Variants in BRF1 observed in about 807,000 individuals in gnomAD.
BRF1 encodes the protein transcription factor IIIB 90 kDa subunit.
Under a neutral mutation model 81.7 loss-of-function variants are expected in BRF1, and 59 were observed. That is an observed-to-expected ratio of 0.72 (90% CI 0.59 to 0.90). The LOEUF is 0.90. BRF1 is among the 40% of genes least tolerant of loss of function. The pLI is 0.00. For synonymous variants in BRF1, 491 were observed against 395.6 expected, an observed-to-expected ratio of 1.24 and a Z score of -2.86; for missense variants, 1,050 against 936.3, an observed-to-expected ratio of 1.12 and a Z score of -1.58.
At chr14:105,311,118 A>G (rs2058340837) in intron 1 of BRF1, among the ~76,000 whole-genome samples, 1 of 151,670 alleles carries the variant, frequency 6.6e-6, no homozygotes, top group African/African-American at 2.4e-5. Context: ...ATGCCCCACT[A>G]ATTTTTTGTA....
In BRF1 at chr14:105,221,703, G is replaced by C; in HGVS notation, c.1260C>G (p.Ser420Arg). ...CGCGGATGGAGTCTGAGATGCCCAGGCTGGCTGCAGTGGGGAGGGGGTCCA... is the reference window on the plus strand; with the variant it reads ...CGCGGATGGAGTCTGAGATGCCCAGCCTGGCTGCAGTGGGGAGGGGGTCCA... ...SLLDPLPTAA[S>R]LGISDSIREC... Residue 420 changes from serine to arginine, a missense_variant, in exon 11 of 18, where the codon AGC (serine) becomes AGG (arginine). This residue lies in a region of BRF1 where 1,043 missense variants were observed against 915.4 expected (regional missense o/e 1.14). Coordinates refer to ENST00000547530, the MANE Select transcript of BRF1 (RefSeq NM_001519.4). 6.2e-7 allele frequency: 1 copy of C among 1,611,628 alleles called. No individual in the cohort carries two copies. Among genetic ancestry groups the C allele is most frequent in the Non-Finnish European group, 8.5e-7 (1 of 1,179,862 alleles).
At chr14:105,300,353 T>G (rs2140588608) in intron 1 of BRF1, 93 bp downstream of exon 1, 1 of 1,324,844 alleles carries the variant, frequency 7.5e-7, no homozygotes, top group Admixed American at 3.2e-5. Context: ...GAGCGTGCGG[T>G]ACCGAGGCGC....
chr14:105,211,110 G>A lies in BRF1; in HGVS notation c.1996+12C>T, dbSNP rs778479870. ...TCCCTTGAACCCCTCCCTGTTGTCG[G>A]GCCCCACCCACCGTTGCTGCCCATC... is the stretch of plus-strand genomic sequence containing the variant. On this transcript the variant is annotated intron_variant, in intron 17 of 17. Coordinates refer to ENST00000547530, the MANE Select transcript of BRF1 (RefSeq NM_001519.4). 18 of 1,611,722 alleles carry A rather than the reference G, an allele frequency of 1.1e-5. No individual in the cohort carries two copies. The highest frequency in any genetic ancestry group is 1.5e-5 in the Non-Finnish European group (18 of 1,179,888).
chr14:105,215,396 A>G lies in BRF1; in HGVS notation c.1772+2148T>C, dbSNP rs1454481381. Among the ~76,000 whole-genome samples the G allele has an allele frequency of 4.6e-5, 7 of 151,944 alleles. No homozygotes were observed. In the East Asian group the frequency reaches 7.8e-4, roughly 17 times the overall value. ...GGCGTGCACACCTGCATTTGCACAC[A>G]AAAACTTACACACATGCACACACAC... On this transcript the variant is annotated intron_variant, in intron 15 of 17. Transcript: ENST00000547530.
At chr14:105,252,275 G>A in intron 5 of BRF1, 1 of 714,630 alleles carries the variant, frequency 1.4e-6, no homozygotes. Context: ...AGGAGTTTGA[G>A]GCTGCAGTGA....
In BRF1 at chr14:105,229,011, T is replaced by G. The variant is rs587639472; in HGVS notation, c.695-98A>C. On this transcript the variant is annotated intron_variant, in intron 6 of 17. Transcript: ENST00000547530. ...ACACTGCGGATCCCGGTCACGGAGA[T>G]GATGGCCTGAGAAGACGTGTCTGTG... 3.6e-6 allele frequency: 4 copies of G among 1,108,650 alleles called. No individual in the cohort carries two copies. The African/African-American group carries it at 6.1e-5, about 17-fold the overall frequency. The allele number at this position is 1,108,650 out of a possible 1,614,324, so 68.7% of individuals were successfully genotyped here. A position where few individuals can be genotyped will look rare whatever the true frequency, so the allele number is the denominator to read the frequency against.
intron 2 of BRF1, among the ~76,000 whole-genome samples, chr14:105,279,884 C>T (rs1313355661): frequency 1.3e-5 from 2 of 152,228 alleles, no homozygotes; most frequent in African/African-American, 4.8e-5. Flanking sequence ...GAATAAACTA[C>T]TTACACGCTC....
intron 15 of BRF1, among the ~76,000 whole-genome samples, chr14:105,216,978 C>T (rs914366845): frequency 1.3e-5 from 2 of 152,208 alleles, no homozygotes; most frequent in African/African-American, 2.4e-5. Flanking sequence ...AGCCTGCAGC[C>T]GCCACCCAGC....
chr14:105,240,989 C>T (rs919487412), intron 6 of BRF1, among the ~76,000 whole-genome samples: 2 of 152,226 alleles, frequency 1.3e-5, no homozygotes, highest in Non-Finnish European at 1.5e-5. Flanking sequence ...GATGCCCATG[C>T]AGCCGCACCC....
chr14:105,312,596 G>A (rs895514006), intron 1 of BRF1, among the ~76,000 whole-genome samples: 1 of 152,200 alleles, frequency 6.6e-6, no homozygotes, highest in Non-Finnish European at 1.5e-5. Context: ...GCATGGGGAG[G>A]GATGCCTCCC....
At chr14:105,294,107 G>A (rs1016758635) in intron 1 of BRF1, among the ~76,000 whole-genome samples, 1 of 152,198 alleles carries the variant, frequency 6.6e-6, no homozygotes, top group African/African-American at 2.4e-5. Flanking sequence ...CACCTAGAGA[G>A]CCTGCCTGGG....
At chr14:105,218,861 C>G (rs1476223725) in intron 14 of BRF1, 137 bp downstream of exon 14, 2 of 1,275,790 alleles carry the variant, frequency 1.6e-6, no homozygotes, top group East Asian at 4.7e-5. Flanking sequence ...GTCTGGGGTC[C>G]AGAGCACATG....
intron 3 of BRF1, among the ~76,000 whole-genome samples, chr14:105,272,140 C>T (rs78563956): frequency 3.2e-5 from 4 of 124,632 alleles, no homozygotes; most frequent in African/African-American, 8.9e-5. Flanking sequence ...CCTCGCCCAC[C>T]GCCTGCGGTC....
chr14:105,289,535 A>G (rs1045102819), intron 1 of BRF1, among the ~76,000 whole-genome samples: 1 of 152,232 alleles, frequency 6.6e-6, no homozygotes, highest in Non-Finnish European at 1.5e-5. Flanking sequence ...TGATGAGCCA[A>G]TTCTAAATTC....
At chr14:105,226,430 T>C (rs1163182449) in intron 8 of BRF1, 140 bp from the exon 9 acceptor site, 4 of 1,443,372 alleles carry the variant, frequency 2.8e-6, no homozygotes, top group African/African-American at 2.8e-5. Flanking sequence ...GCTATGGGCC[T>C]GTGTCCCCCA....
chr14:105,249,573 C>T, intron 5 of BRF1: 3 of 1,586,168 alleles, frequency 1.9e-6, no homozygotes, highest in Non-Finnish European at 2.6e-6. Flanking sequence ...ATGGACTCCT[C>T]TCCCAGGCCC....
chr14:105,248,253 G>C (rs1003728849), intron 5 of BRF1: 4 of 985,450 alleles, frequency 4.1e-6, no homozygotes, highest in South Asian at 4.7e-5. Context: ...CACAGGCCGC[G>C]GCCAGAGGCA....
At chr14:105,306,315 T>C (rs913024215) in intron 1 of BRF1, among the ~76,000 whole-genome samples, 15 of 152,138 alleles carry the variant, frequency 9.9e-5, no homozygotes, top group African/African-American at 3.6e-4. Context: ...TGTTTTGTTT[T>C]GTTTTTGAGA....
upstream of BRF1, among the ~76,000 whole-genome samples, chr14:105,304,778 G>A (rs140078131): frequency 6.6e-5 from 10 of 152,370 alleles, no homozygotes; most frequent in Middle Eastern, 6.8e-3. Context: ...CACGTCTTAC[G>A]TGGATGGCAG....
Sources: gnomAD v4.1 joint callset for allele counts (sites outside exome capture counted in the v4.1 genomes callset) on GRCh38, gnomAD v4.1.1 for gene constraint, gnomAD v4.1.1 regional missense constraint, MANE v1.5 for transcripts, NCBI Gene and HGNC (gene_info 2026-07-23, HGNC 2026-07-21) for gene names.